Variants in AHRR observed in about 807,000 individuals in gnomAD.
The protein encoded by AHRR is aryl hydrocarbon receptor repressor, also known as ahR repressor.
In AHRR, 28 loss-of-function variants were observed where a neutral mutation model predicts 44.0. The observed-to-expected ratio is 0.64, with a 90% CI of 0.47 to 0.87. The LOEUF is 0.87. AHRR is among the 40% of genes least tolerant of loss of function. The pLI is 0.00. For missense variants in AHRR, 990 were observed against 953.9 expected (o/e 1.04, Z -0.50); for synonymous variants, 434 against 407.0 (o/e 1.07, Z -0.80).
At chr5:422,085 G>A (rs1736152313) in intron 5 of AHRR, among the ~76,000 whole-genome samples, 1 of 151,912 alleles carries the variant, frequency 6.6e-6, no homozygotes, top group Non-Finnish European at 1.5e-5. Context: ...TGGGATGGCC[G>A]GCCTTCCTCA....
chr5:434,198 G>A lies in AHRR; in HGVS notation c.1458G>A (p.Arg486=). ...CTCCCCTCTGCCACTTTCCCCAGAG[G>A]AGCCTGCAGCACCAGCTCCCTCAGC... ...VHPPLCHFPQ[R]SLQHQLPQPG... is the part of the protein sequence containing the mutation. The change falls in exon 11 of 11, where the codon AGG becomes AGA. Residue 486 remains arginine (R), a synonymous_variant. Coordinates refer to ENST00000684583, the MANE Select transcript of AHRR (RefSeq NM_001377236.1). The A allele has an allele frequency of 6.3e-7, 1 of 1,592,196 alleles. No individual in the cohort carries two copies. The highest frequency in any genetic ancestry group is 8.6e-7 in the Non-Finnish European group (1 of 1,169,256).
chr5:385,085 A>T (rs184983558), intron 4 of AHRR, among the ~76,000 whole-genome samples: 25 of 152,340 alleles, frequency 1.6e-4, no homozygotes, highest in South Asian at 4.1e-4. Flanking sequence ...TGGACATTGC[A>T]GTGAGAAAAA....
At chr5:424,458 C>G (rs112016579) in intron 7 of AHRR, among the ~76,000 whole-genome samples, 2,417 of 151,650 alleles carry the variant, frequency 0.016, 24 homozygotes, top group Non-Finnish European at 0.024. Flanking sequence ...ACCCATGTGT[C>G]TCTGGTGGGT....
chr5:345,241 TGGGGATGTGTGTGTGGGGAGAGGGGTGG>T (rs1742593993), intron 2 of AHRR, among the ~76,000 whole-genome samples: 2 of 108,500 alleles, frequency 1.8e-5, no homozygotes, highest in African/African-American at 8.8e-5. Context: ...TGGCTGTGTG[TGGGGATGTGTGTGTGGGGAGAGGGGTGG>T]GTGGGTGTGT....
chr5:363,141 A>G (rs1743237610), intron 3 of AHRR, among the ~76,000 whole-genome samples: 1 of 152,236 alleles, frequency 6.6e-6, no homozygotes, highest in Non-Finnish European at 1.5e-5. Flanking sequence ...GCTGGGTGTC[A>G]GGCTGGCTGC....
At chr5:336,132 G>T (rs1354237554) in intron 1 of AHRR, among the ~76,000 whole-genome samples, 1 of 152,152 alleles carries the variant, frequency 6.6e-6, no homozygotes, top group Non-Finnish European at 1.5e-5. Context: ...TTCCCTCCTG[G>T]AGCACTTCCT....
Position 410,195 on chromosome 5 carries a change from CTATTTTAT to C in AHRR, c.352-3136_352-3129del, listed in dbSNP as rs1048678202. On this transcript the variant is annotated intron_variant, in intron 4 of 10. Coordinates refer to ENST00000684583, the MANE Select transcript of AHRR (RefSeq NM_001377236.1). ...GGCTAGGTCTTTTGCAATTCCATAACTATTTTATTATTTTATTATTGTAGAGACAGAGT... is the reference window on the plus strand; with the variant it reads ...GGCTAGGTCTTTTGCAATTCCATAACTATTTTATTATTGTAGAGACAGAGT... 2.1e-4 allele frequency among the ~76,000 whole-genome samples: 32 copies of C among 152,192 alleles called. No homozygotes were observed. In the South Asian group the frequency reaches 4.6e-3, roughly 22 times the overall value.
rs558862721 is a variant in AHRR at position 365,488 on chromosome 5, C to T, written c.245-11122C>T. Among the ~76,000 whole-genome samples the T allele has an allele frequency of 8.9e-4, 135 of 152,114 alleles. 1 individual carries two copies. Among genetic ancestry groups the T allele is most frequent in the Non-Finnish European group, 1.0e-3 (68 of 67,978 alleles). On this transcript the variant is annotated intron_variant, in intron 3 of 10. Transcript: ENST00000684583. ...AAAGAAACACTTAGAAATAAATAAT[C>T]TTAAGTGTTTATGTATAAAAGAAGG...
At chr5:409,233 C>T (rs36004765) in intron 4 of AHRR, among the ~76,000 whole-genome samples, 28,199 of 152,064 alleles carry the variant, frequency 0.19, 3,975 homozygotes, top group African/African-American at 0.4. Context: ...ATCCATTATC[C>T]GATTGATAGT....
intron 5 of AHRR, among the ~76,000 whole-genome samples, chr5:414,241 T>C (rs910591574): frequency 6.6e-6 from 1 of 151,852 alleles, no homozygotes; most frequent in Non-Finnish European, 1.5e-5. Flanking sequence ...CCAGCCTGGG[T>C]GACAGAGCGA....
intron 8 of AHRR, among the ~76,000 whole-genome samples, chr5:430,190 T>C (rs887593580): frequency 6.6e-6 from 1 of 152,226 alleles, no homozygotes; most frequent in African/African-American, 2.4e-5. Flanking sequence ...CCATTAGTAT[T>C]CAATTTCATT....
intron 5 of AHRR, among the ~76,000 whole-genome samples, chr5:415,737 A>G (rs1425872491): frequency 1.4e-5 from 2 of 138,052 alleles, no homozygotes; most frequent in African/African-American, 2.5e-5. Flanking sequence ...GGGGCTGTGC[A>G]GAGCAGCAGG....
intron 8 of AHRR, among the ~76,000 whole-genome samples, chr5:431,203 G>A (rs889864931): frequency 6.6e-6 from 1 of 152,196 alleles, no homozygotes; most frequent in African/African-American, 2.4e-5. Context: ...GGGGTGGAGC[G>A]TAGGTGTGGG....
intron 3 of AHRR, among the ~76,000 whole-genome samples, chr5:354,856 C>T (rs1201763126): frequency 6.6e-6 from 1 of 152,200 alleles, no homozygotes. Flanking sequence ...GACCTCTGCG[C>T]ACCCTCAGAC....
intron 4 of AHRR, among the ~76,000 whole-genome samples, chr5:390,455 T>G (rs572343013): frequency 1.3e-5 from 2 of 152,024 alleles, no homozygotes; most frequent in Non-Finnish European, 2.9e-5. Context: ...GAAAGAAAAT[T>G]CAGACATGAA....
chr5:428,083 T>C, intron 8 of AHRR, 77 bp downstream of exon 8: 8 of 1,447,968 alleles, frequency 5.5e-6, no homozygotes, highest in Non-Finnish European at 6.6e-6. Context: ...CTCAGTGTTT[T>C]CTGTGTCTTC....
Position 348,070 on chromosome 5 carries a change from G to T in AHRR, c.62+4106G>T, listed in dbSNP as rs374020222. 4.5e-4 allele frequency among the ~76,000 whole-genome samples: 68 copies of T among 152,376 alleles called. No individual in the cohort carries two copies. In the East Asian group the frequency reaches 0.012, roughly 28 times the overall value. ...TGAGAGGCCCCCACAAGCACTGAGTGCAGGGGGCAGCTGATGTGGGGGAAG... is the reference window on the plus strand; with the variant it reads ...TGAGAGGCCCCCACAAGCACTGAGTTCAGGGGGCAGCTGATGTGGGGGAAG... On this transcript the variant is annotated intron_variant, in intron 2 of 10. Coordinates refer to ENST00000684583, the MANE Select transcript of AHRR (RefSeq NM_001377236.1).
At position 342,091 on chromosome 5, in the gene AHRR, A is replaced by T. The variant is rs1742368910; in HGVS notation, c.-10-1802A>T. ...TGTTTTTAAAAAAATTGTTAAGGAT[A>T]GTTTTAAGTCCCAGAATATGGTCTG... On this transcript the variant is annotated intron_variant, in intron 1 of 10. Transcript: ENST00000684583. This position sits in a 1 kb window ranked among gnomAD's most constrained non-coding sequence, Gnocchi z 4.3. 6.6e-6 allele frequency among the ~76,000 whole-genome samples: 1 copy of T among 152,202 alleles called. No individual in the cohort carries two copies.
At chr5:368,163 C>T (rs772239689) in intron 3 of AHRR, among the ~76,000 whole-genome samples, 2 of 152,208 alleles carry the variant, frequency 1.3e-5, no homozygotes, top group Non-Finnish European at 1.5e-5. Context: ...AGTTGACAAG[C>T]GAGGCAGCAT....
Sources: allele counts gnomAD v4.1 joint callset (sites outside exome capture counted in the v4.1 genomes callset), GRCh38; gene constraint gnomAD v4.1.1; non-coding constraint Gnocchi (gnomAD v3.1); transcripts MANE v1.5; gene names NCBI Gene and HGNC (gene_info 2026-07-23, HGNC 2026-07-21).